FGF14: variants seen among roughly 807,000 people sequenced by gnomAD.
The protein encoded by FGF14 is fibroblast growth factor 14.
In FGF14, 5 loss-of-function variants were observed where a neutral mutation model predicts 25.5. That is an observed-to-expected ratio of 0.20 (90% CI 0.10 to 0.41). The LOEUF is 0.41. FGF14 is among the 10% of genes least tolerant of loss of function. FGF14 has a pLI of 1.00. For synonymous variants in FGF14, 138 were observed against 118.3 expected (o/e 1.17, Z -1.08); for missense variants, 222 against 320.1 (o/e 0.69, Z 2.34).
intron 1 of FGF14, among the ~76,000 whole-genome samples, chr13:102,035,819 T>C (rs1362963906): frequency 6.6e-6 from 1 of 152,128 alleles, no homozygotes; most frequent in Admixed American, 6.6e-5. Context: ...CAGTCACCAA[T>C]ATTCCTTCTA....
intron 1 of FGF14, among the ~76,000 whole-genome samples, chr13:101,954,555 G>A (rs964799704): frequency 6.6e-6 from 1 of 152,230 alleles, no homozygotes; most frequent in Non-Finnish European, 1.5e-5. Flanking sequence ...GACACATTAT[G>A]GTTTTCATCC....
At chr13:102,270,755 T>C (rs2053208065) in intron 1 of FGF14, among the ~76,000 whole-genome samples, 1 of 152,194 alleles carries the variant, frequency 6.6e-6, no homozygotes, top group Non-Finnish European at 1.5e-5. Context: ...TTGTCATTTA[T>C]TTGTTTGTCT....
chr13:101,968,826 T>C (rs2037403829), intron 1 of FGF14, among the ~76,000 whole-genome samples: 1 of 151,648 alleles, frequency 6.6e-6, no homozygotes, highest in Non-Finnish European at 1.5e-5. Context: ...TTTTCATTTG[T>C]TCTGTAATCA....
intron 1 of FGF14, among the ~76,000 whole-genome samples, chr13:101,884,287 T>C (rs1570466): frequency 0.35 from 52,739 of 151,430 alleles, 9,511 homozygotes; most frequent in African/African-American, 0.44. Flanking sequence ...CACTGACAGA[T>C]GAGAGGAGAG....
intron 1 of FGF14, among the ~76,000 whole-genome samples, chr13:102,332,637 T>A (rs570626227): frequency 6.6e-6 from 1 of 152,086 alleles, no homozygotes; most frequent in Non-Finnish European, 1.5e-5. Context: ...TGTCCTCAAA[T>A]ACATCATCCA....
intron 1 of FGF14, among the ~76,000 whole-genome samples, chr13:102,280,984 A>G (rs2053802474): frequency 6.6e-6 from 1 of 152,220 alleles, no homozygotes; most frequent in South Asian, 2.1e-4. Flanking sequence ...GTATAAAATA[A>G]ACAGGATAAA....
intron 1 of FGF14, among the ~76,000 whole-genome samples, chr13:101,883,679 G>A (rs565374837): frequency 1.3e-5 from 2 of 151,900 alleles, no homozygotes; most frequent in East Asian, 3.9e-4. Flanking sequence ...GGCCAGAAAC[G>A]ACTCTAAGTG....
chr13:102,312,026 G>A (rs1361469210), intron 1 of FGF14, among the ~76,000 whole-genome samples: 1 of 152,136 alleles, frequency 6.6e-6, no homozygotes, highest in Non-Finnish European at 1.5e-5. Context: ...CAAGTGACCT[G>A]AGTTTTAGTT....
intron 3 of FGF14, among the ~76,000 whole-genome samples, chr13:101,843,750 T>C (rs1414261675): frequency 6.6e-6 from 1 of 151,902 alleles, no homozygotes; most frequent in South Asian, 2.1e-4. Context: ...GGTCAATGAA[T>C]AGAAATTTTC....
At chr13:102,279,718 TA>T (rs11384326) in intron 1 of FGF14, among the ~76,000 whole-genome samples, 4 of 152,036 alleles carry the variant, frequency 2.6e-5, no homozygotes, top group East Asian at 1.9e-4. Context: ...AAAAGTAAGT[TA>T]AAAAAAAATT....
intron 1 of FGF14, among the ~76,000 whole-genome samples, chr13:102,126,733 T>G (rs2045964728): frequency 6.6e-6 from 1 of 152,188 alleles, no homozygotes. Context: ...AGTACCTAAC[T>G]CTTATGGATC....
At chr13:101,991,770 G>A (rs1185490541) in intron 1 of FGF14, among the ~76,000 whole-genome samples, 2 of 152,078 alleles carry the variant, frequency 1.3e-5, no homozygotes, top group African/African-American at 4.8e-5. Context: ...ATGTGGACCA[G>A]GTTGAGAGTA....
At chr13:102,323,136 G>T (rs1484809797) in intron 1 of FGF14, among the ~76,000 whole-genome samples, 1 of 152,104 alleles carries the variant, frequency 6.6e-6, no homozygotes, top group East Asian at 1.9e-4. Context: ...AAAAGTTGCT[G>T]CAATGTCAAT....
chr13:102,084,568 CAG>C (rs1398173123), intron 1 of FGF14, among the ~76,000 whole-genome samples: 2 of 152,068 alleles, frequency 1.3e-5, no homozygotes, highest in African/African-American at 4.8e-5. Context: ...CATTTCAGGA[CAG>C]AGCACACAAT....
Position 102,132,626 on chromosome 13 carries a change from T to G in FGF14, c.209-257330A>C, listed in dbSNP as rs574679913. On this transcript the variant is annotated intron_variant, in intron 1 of 4. Transcript: ENST00000376131. ...AAGCAATTCTGCCACAGGTAATTCT[T>G]CTGCTGCAGCCTCTCAAGTAGCTGG... Among the ~76,000 whole-genome samples the G allele has an allele frequency of 2.0e-5, 3 of 152,072 alleles. No homozygotes were observed. In the South Asian group the frequency reaches 6.2e-4, roughly 32 times the overall value.
intron 1 of FGF14, among the ~76,000 whole-genome samples, chr13:102,347,195 G>A (rs767446943): frequency 1.1e-4 from 16 of 152,190 alleles, no homozygotes; most frequent in Admixed American, 2.0e-4. Context: ...AGACCTGCCA[G>A]TCAGTCAATA....
At chr13:102,177,508 A>G (rs1390817852) in intron 1 of FGF14, among the ~76,000 whole-genome samples, 2 of 152,140 alleles carry the variant, frequency 1.3e-5, no homozygotes, top group Non-Finnish European at 2.9e-5. Context: ...TTCAATTAAT[A>G]TGTGCCACAG....
chr13:102,327,711 T>C (rs1031726277), intron 1 of FGF14, among the ~76,000 whole-genome samples: 1 of 151,934 alleles, frequency 6.6e-6, no homozygotes, highest in African/African-American at 2.4e-5. Context: ...TGGTAGTGCA[T>C]GCCCGTGGCC....
chr13:102,045,849 T>C (rs78638647), intron 1 of FGF14: 2,299 of 152,586 alleles, frequency 0.015, 55 homozygotes, highest in African/African-American at 0.053. Flanking sequence ...TTGGAGGCAC[T>C]ACAGCATTAA....
Sources: allele counts gnomAD v4.1 joint callset (sites outside exome capture counted in the v4.1 genomes callset), GRCh38; gene constraint gnomAD v4.1.1; transcripts MANE v1.5; gene names NCBI Gene and HGNC (gene_info 2026-07-23, HGNC 2026-07-21).